The following FAM78B variants were observed in gnomAD, a reference collection of about 807,000 sequenced individuals.
FAM78B encodes protein FAM78B.
Under a neutral mutation model 20.0 loss-of-function variants are expected in FAM78B, and 10 were observed. The observed-to-expected ratio is 0.50, with a 90% CI of 0.31 to 0.85. FAM78B has a LOEUF of 0.85. Among genes scored for constraint, FAM78B ranks in the 40% least tolerant of loss-of-function variants. The pLI, the probability that FAM78B is intolerant of heterozygous loss-of-function variation, is 0.05. For synonymous variants in FAM78B, 135 were observed against 132.8 expected (o/e 1.02, Z -0.12); for missense variants, 283 against 345.0 (o/e 0.82, Z 1.42).
chr1:166,073,028 G>A (rs1489042314), intron 1 of FAM78B, among the ~76,000 whole-genome samples: 1 of 151,992 alleles, frequency 6.6e-6, no homozygotes, highest in Non-Finnish European at 1.5e-5. Context: ...TTTGGTCCTA[G>A]GTTTTTTGAA....
chr1:166,106,349 T>TTA (rs567119393), intron 1 of FAM78B, among the ~76,000 whole-genome samples: 101 of 139,852 alleles, frequency 7.2e-4, no homozygotes, highest in African/African-American at 2.3e-3. Flanking sequence ...AAAACTTAAA[T>TTA]AAAAAAAAAA....
intron 1 of FAM78B, among the ~76,000 whole-genome samples, chr1:166,143,749 G>C (rs1655361134): frequency 6.6e-6 from 1 of 152,110 alleles, no homozygotes; most frequent in Non-Finnish European, 1.5e-5. Context: ...GCAGAGATCT[G>C]AGAAAGATCA....
chr1:166,164,157 C>G (rs1036868978), intron 1 of FAM78B, among the ~76,000 whole-genome samples: 1 of 152,218 alleles, frequency 6.6e-6, no homozygotes, highest in Non-Finnish European at 1.5e-5. Context: ...AGATTTGAGG[C>G]AACAGAGAGT....
chr1:166,166,223 C>A lies in FAM78B; in HGVS notation c.26G>T (p.Cys9Phe), dbSNP rs763392174. 5.3e-5 allele frequency: 82 copies of A among 1,547,082 alleles called. No homozygotes were observed. Among genetic ancestry groups the A allele is most frequent in the Non-Finnish European group, 5.8e-5 (66 of 1,144,936 alleles). Reference protein sequence around the residue: MGCIQSITCKARIRRENIV... With the variant: MGCIQSITFKARIRRENIV... ...GTTCTCGCGCCGGATCCGCGCCTTGCAGGTGATGCTTTGGATACAGCCCAT... is the reference window on the plus strand; with the variant it reads ...GTTCTCGCGCCGGATCCGCGCCTTGAAGGTGATGCTTTGGATACAGCCCAT... The change falls in exon 1 of 2, where the codon TGC (cysteine) becomes TTC (phenylalanine). Residue 9 changes from cysteine to phenylalanine, a missense_variant. By Grantham distance (205) the Cys-to-Phe change is radical. Transcript: ENST00000354422.
At chr1:166,138,730 T>C (rs1456991845) in intron 1 of FAM78B, among the ~76,000 whole-genome samples, 1 of 152,200 alleles carries the variant, frequency 6.6e-6, no homozygotes, top group Non-Finnish European at 1.5e-5. Flanking sequence ...CTCCTCTCCA[T>C]TGTGTTTGTT....
chr1:166,109,856 A>ATATGTG lies in FAM78B; in HGVS notation c.264-39094_264-39093insCACATA, dbSNP rs1553219410. On this transcript the variant is annotated intron_variant, in intron 1 of 1. Coordinates refer to ENST00000354422, the MANE Select transcript of FAM78B (RefSeq NM_001017961.5). ...TGTATATATGTATATATATATATAT[A>ATATGTG]TATATGTATGTGTATATATATATAT... Among the ~76,000 whole-genome samples the ATATGTG allele has an allele frequency of 3.6e-4, 7 of 19,374 alleles. 2 individuals are homozygous for ATATGTG. The highest frequency in any genetic ancestry group is 5.4e-4 in the Non-Finnish European group (4 of 7,446). The allele number at this position is 19,374 out of a possible 152,430, so 12.7% of individuals were successfully genotyped here. A position where few individuals can be genotyped will look rare whatever the true frequency, so the allele number is the denominator to read the frequency against.
intron 1 of FAM78B, chr1:166,087,557 G>T (rs529928183): frequency 6.6e-6 from 1 of 152,010 alleles, no homozygotes; most frequent in African/African-American, 2.4e-5. Flanking sequence ...CTTTGTATGG[G>T]TTAACTAATT....
intron 1 of FAM78B, among the ~76,000 whole-genome samples, chr1:166,103,362 A>C (rs1041078003): frequency 3.3e-5 from 5 of 152,208 alleles, no homozygotes; most frequent in Admixed American, 6.5e-5. Flanking sequence ...TCAGAGCAGA[A>C]CTGAAGGAAA....
intron 1 of FAM78B, among the ~76,000 whole-genome samples, chr1:166,077,896 T>TACA (rs1557890986): frequency 5.0e-3 from 40 of 8,080 alleles, no homozygotes; most frequent in East Asian, 0.045. Flanking sequence ...TAAATATATA[T>TACA]AATTTATATA....
In FAM78B at chr1:166,166,215, G is replaced by A; in HGVS notation, c.34C>T (p.Arg12Trp). ...ACCACGATGTTCTCGCGCCGGATCC[G>A]CGCCTTGCAGGTGATGCTTTGGATA... is the stretch of plus-strand genomic sequence containing the variant. ...GCIQSITCKA[R>W]IRRENIVVYD... Residue 12 changes from arginine (R) to tryptophan (W), a missense_variant, in exon 1 of 2, where the codon CGG becomes TGG. Arg to Trp is a moderately radical substitution (Grantham distance 101). Coordinates refer to ENST00000354422, the MANE Select transcript of FAM78B (RefSeq NM_001017961.5). 1.9e-6 allele frequency: 3 copies of A among 1,559,248 alleles called. No homozygotes were observed. Among genetic ancestry groups the A allele is most frequent in the Non-Finnish European group, 2.6e-6 (3 of 1,150,994 alleles).
intron 1 of FAM78B, among the ~76,000 whole-genome samples, chr1:166,129,398 GA>G (rs1654786623): frequency 6.6e-6 from 1 of 152,050 alleles, no homozygotes; most frequent in Non-Finnish European, 1.5e-5. Context: ...GTTATTTGTT[GA>G]GGGCCATATA....
Position 166,137,966 on chromosome 1 carries a change from G to T in FAM78B, c.263+28020C>A, listed in dbSNP as rs532115403. ...GGTCTCAGGCATGTCTCAGAACAGAGCAGGTGGCTGGAGGCAAAAAATACT... is the reference window on the plus strand; with the variant it reads ...GGTCTCAGGCATGTCTCAGAACAGATCAGGTGGCTGGAGGCAAAAAATACT... On this transcript the variant is annotated intron_variant, in intron 1 of 1. Coordinates refer to ENST00000354422, the MANE Select transcript of FAM78B (RefSeq NM_001017961.5). Among the ~76,000 whole-genome samples, 3 of 152,306 alleles carry T rather than the reference G, an allele frequency of 2.0e-5. No individual in the cohort carries two copies. The South Asian group carries it at 6.2e-4, about 32-fold the overall frequency.
At chr1:166,092,163 G>A (rs1464859487) in intron 1 of FAM78B, among the ~76,000 whole-genome samples, 1 of 151,964 alleles carries the variant, frequency 6.6e-6, no homozygotes, top group African/African-American at 2.4e-5. Context: ...AGTATACTTG[G>A]TAAACATGAG....
chr1:166,099,741 T>C (rs529726279), intron 1 of FAM78B, among the ~76,000 whole-genome samples: 2 of 152,250 alleles, frequency 1.3e-5, no homozygotes, highest in East Asian at 3.9e-4. Context: ...TCTAAACATA[T>C]ATGTACCTAA....
At chr1:166,065,909 A>T (rs1300684683), downstream of FAM78B, among the ~76,000 whole-genome samples, 2 of 152,162 alleles carry the variant, frequency 1.3e-5, no homozygotes, top group African/African-American at 4.8e-5. Flanking sequence ...CAGTTTGAAG[A>T]GTATGTGAGT....
At chr1:166,070,929 T>C (rs1652002883) in intron 1 of FAM78B, among the ~76,000 whole-genome samples, 166 bp from the exon 2 acceptor site, 1 of 152,120 alleles carries the variant, frequency 6.6e-6, no homozygotes. Flanking sequence ...CAGGATTAAA[T>C]GAGAACAAAC....
chr1:166,141,382 C>T (rs550591049), intron 1 of FAM78B, among the ~76,000 whole-genome samples: 1 of 152,162 alleles, frequency 6.6e-6, no homozygotes, highest in East Asian at 1.9e-4. Context: ...CAAGATATTC[C>T]TCTCCCTGAA....
intron 2 of FAM78B, among the ~76,000 whole-genome samples, chr1:166,063,813 AAT>A (rs1421793196): frequency 1.3e-5 from 2 of 152,088 alleles, no homozygotes; most frequent in Non-Finnish European, 1.5e-5. Flanking sequence ...CTGTAATTCT[AAT>A]GTGTTTTCCC....
chr1:166,153,900 T>C (rs1571209654), intron 1 of FAM78B, among the ~76,000 whole-genome samples: 1 of 152,104 alleles, frequency 6.6e-6, no homozygotes, highest in Admixed American at 6.5e-5. Flanking sequence ...ACCTGTTCCC[T>C]CCCATTCTTC....
Sources: allele counts gnomAD v4.1 joint callset (sites outside exome capture counted in the v4.1 genomes callset), GRCh38; gene constraint gnomAD v4.1.1; transcripts MANE v1.5; gene names NCBI Gene and HGNC (gene_info 2026-07-23, HGNC 2026-07-21).